EPS8: variants seen among roughly 807,000 people sequenced by gnomAD.
EPS8 encodes EGFR pathway substrate 8, signaling adaptor.
EPS8 carries 42 observed loss-of-function variants against 103.8 expected under a neutral mutation model. The observed-to-expected ratio is 0.40, with a 90% confidence interval of 0.32 to 0.52. The LOEUF is 0.52. Among genes scored for constraint, EPS8 ranks in the 20% least tolerant of loss-of-function variants. The pLI, the probability that EPS8 is intolerant of heterozygous loss-of-function variation, is 0.40. For missense variants in EPS8, 969 were observed against 1,005.1 expected (o/e 0.96, Z 0.49); for synonymous variants, 344 against 344.6 (o/e 1.00, Z 0.02).
In EPS8 at chr12:15,704,157, G is replaced by C. The variant is rs1946352592; in HGVS notation, c.-21-21185C>G. 6.6e-6 allele frequency among the ~76,000 whole-genome samples: 1 copy of C among 151,904 alleles called. No homozygotes were observed. Among genetic ancestry groups the C allele is most frequent in the African/African-American group, 2.4e-5 (1 of 41,336 alleles). ...TCCCTTTAATGGTGTAGTCATTGTG[G>C]AAAACAGTATGGCAGCTCCTCAAAA... On this transcript the variant is annotated intron_variant, in intron 1 of 20. Coordinates refer to ENST00000281172, the MANE Select transcript of EPS8 (RefSeq NM_004447.6). The surrounding 1 kb of genome is among the most constrained non-coding windows in gnomAD (Gnocchi z 4.6).
chr12:15,653,482 G>A (rs544637845), intron 13 of EPS8, among the ~76,000 whole-genome samples: 21 of 152,056 alleles, frequency 1.4e-4, no homozygotes, highest in Non-Finnish European at 2.8e-4. Flanking sequence ...CCATATTCCA[G>A]AGAAACACAT....
intron 20 of EPS8, 137 bp downstream of exon 20, chr12:15,623,021 G>C: frequency 1.3e-6 from 1 of 792,708 alleles, no homozygotes. Context: ...GATGATCTCA[G>C]TGACAAATTT....
At position 15,695,359 on chromosome 12, in the gene EPS8, C is replaced by T. The variant is rs117172524; in HGVS notation, c.-21-12387G>A. On this transcript the variant is annotated intron_variant, in intron 1 of 20. Coordinates refer to ENST00000281172, the MANE Select transcript of EPS8 (RefSeq NM_004447.6). The surrounding 1 kb of genome is among the most constrained non-coding windows in gnomAD (Gnocchi z 5.0). Reference sequence around the variant, plus strand: ...TCGCTCATTTAACAAATAATTACTACGTAACCAGAATGTGCCCATCAGTGC... The same window carrying T: ...TCGCTCATTTAACAAATAATTACTATGTAACCAGAATGTGCCCATCAGTGC... 1.4e-3 allele frequency among the ~76,000 whole-genome samples: 207 copies of T among 152,332 alleles called. 5 individuals carry two copies. In the East Asian group the frequency reaches 0.037, roughly 27 times the overall value.
chr12:15,775,099 A>G (rs1283288144), intron 1 of EPS8, among the ~76,000 whole-genome samples: 1 of 152,124 alleles, frequency 6.6e-6, no homozygotes, highest in Non-Finnish European at 1.5e-5. Context: ...CTAAAGAAGG[A>G]GTCCACATTT....
rs115417231 is a variant in EPS8, at chr12:15,639,671, C to T, written c.1821+1032G>A. 9.6e-3 allele frequency among the ~76,000 whole-genome samples: 1,464 copies of T among 152,146 alleles called. 24 individuals are homozygous for T. Among genetic ancestry groups the T allele is most frequent in the African/African-American group, 0.033 (1,383 of 41,502 alleles). On this transcript the variant is annotated intron_variant, in intron 17 of 20. Transcript: ENST00000281172. ...CTCTGGATAAGCACAGGACTGACAC[C>T]AGGCATGAATGTCATGAGGAGCCAA...
chr12:15,745,220 G>A lies in EPS8; in HGVS notation c.-22+43941C>T, dbSNP rs1344971624. On this transcript the variant is annotated intron_variant, in intron 1 of 20. Transcript: ENST00000281172. This position sits in a 1 kb window ranked among gnomAD's most constrained non-coding sequence, Gnocchi z 4.6. ...AAAACTCTACCTGTTTCAAAGAAAT[G>A]AGTATAAAAGAACACTTTACAACCT... Among the ~76,000 whole-genome samples, 1 of 152,096 alleles carries A rather than the reference G, an allele frequency of 6.6e-6. No individual in the cohort carries two copies. The highest frequency in any genetic ancestry group is 2.4e-5 in the African/African-American group (1 of 41,420).
In EPS8 at chr12:15,706,963, G is replaced by A. The variant is rs1392171320; in HGVS notation, c.-21-23991C>T. Among the ~76,000 whole-genome samples, 1 of 152,086 alleles carries A rather than the reference G, an allele frequency of 6.6e-6. No homozygotes were observed. Among genetic ancestry groups the A allele is most frequent in the African/African-American group, 2.4e-5 (1 of 41,416 alleles). ...AACTTTAGGCTTACTTAGCCTCTAT[G>A]AGCCTAGTTTCTTCATTTGTAAAGT... On this transcript the variant is annotated intron_variant, in intron 1 of 20. Transcript: ENST00000281172. The surrounding 1 kb of genome is among the most constrained non-coding windows in gnomAD (Gnocchi z 5.2).
At chr12:15,670,616 A>T (rs1307816095) in intron 4 of EPS8, among the ~76,000 whole-genome samples, 5 of 152,152 alleles carry the variant, frequency 3.3e-5, no homozygotes, top group African/African-American at 1.2e-4. Context: ...TATAAGTGAA[A>T]TAAGACTGGC....
At chr12:15,667,375 T>C (rs978174652) in intron 6 of EPS8, among the ~76,000 whole-genome samples, 14 of 152,168 alleles carry the variant, frequency 9.2e-5, no homozygotes, top group Non-Finnish European at 2.1e-4. Flanking sequence ...TAAAAGGGCC[T>C]GGCCAAGGTC....
rs1450364948 is a variant in EPS8, at chr12:15,778,769, T to TG, written c.-22+10391dup. On this transcript the variant is annotated intron_variant, in intron 1 of 20. Coordinates refer to ENST00000281172, the MANE Select transcript of EPS8 (RefSeq NM_004447.6). This position sits in a 1 kb window ranked among gnomAD's most constrained non-coding sequence, Gnocchi z 4.5. ...CATAAACAAGCTGTTCATGCCTTTA[T>TG]GGGGGGAATAAAGGTAGTAAATCTA... Among the ~76,000 whole-genome samples the TG allele has an allele frequency of 4.6e-5, 7 of 152,180 alleles. No homozygotes were observed. Among genetic ancestry groups the TG allele is most frequent in the Non-Finnish European group, 7.3e-5 (5 of 68,038 alleles).
At chr12:15,788,157 C>G (rs1231960238) in intron 1 of EPS8, 1 of 152,222 alleles carries the variant, frequency 6.6e-6, no homozygotes, top group Non-Finnish European at 1.5e-5. Context: ...AAAAGTCACA[C>G]TCTTCACACA....
Position 15,621,447 on chromosome 12 carries a change from T to C in EPS8, c.2356-17A>G. The C allele has an allele frequency of 7.0e-7, 1 of 1,423,962 alleles. No homozygotes were observed. Among genetic ancestry groups the C allele is most frequent in the Non-Finnish European group, 9.8e-7 (1 of 1,018,972 alleles). The allele number at this position is 1,423,962 out of a possible 1,614,324, so 88.2% of individuals were successfully genotyped here. A position where few individuals can be genotyped will look rare whatever the true frequency, so the allele number is the denominator to read the frequency against. ...ACTGCTATCCTGAAAGATAAACAGTTCAGACAAGATAGTTACTGACTTGTG... is the reference window on the plus strand; with the variant it reads ...ACTGCTATCCTGAAAGATAAACAGTCCAGACAAGATAGTTACTGACTTGTG... On this transcript the variant is annotated splice_polypyrimidine_tract_variant and intron_variant, in intron 20 of 20. Coordinates refer to ENST00000281172, the MANE Select transcript of EPS8 (RefSeq NM_004447.6).
At chr12:15,685,452 C>T (rs1946079523) in intron 1 of EPS8, among the ~76,000 whole-genome samples, 1 of 152,040 alleles carries the variant, frequency 6.6e-6, no homozygotes, top group South Asian at 2.1e-4. Context: ...ATCTGGTTTG[C>T]GTTTTAAAAC....
chr12:15,730,270 G>A (rs1368456743), intron 1 of EPS8, among the ~76,000 whole-genome samples: 1 of 152,122 alleles, frequency 6.6e-6, no homozygotes, highest in Admixed American at 6.5e-5. Flanking sequence ...TTTTACAACA[G>A]AAGAAATAAA....
At position 15,778,880 on chromosome 12, in the gene EPS8, C is replaced by T. The variant is rs1947232835; in HGVS notation, c.-22+10281G>A. Among the ~76,000 whole-genome samples the T allele has an allele frequency of 6.6e-6, 1 of 152,178 alleles. No individual in the cohort carries two copies. The highest frequency in any genetic ancestry group is 2.4e-5 in the African/African-American group (1 of 41,444). On this transcript the variant is annotated intron_variant, in intron 1 of 20. Coordinates refer to ENST00000281172, the MANE Select transcript of EPS8 (RefSeq NM_004447.6). This position sits in a 1 kb window ranked among gnomAD's most constrained non-coding sequence, Gnocchi z 4.5. ...CATGCCCAGGCAGAAAATAAGTCAT[C>T]AATTTACCAAGTTACTCACAAAATT...
In EPS8 at chr12:15,644,076, C is replaced by T. The variant is rs776315504; in HGVS notation, c.1569-2246G>A. Among the ~76,000 whole-genome samples the T allele has an allele frequency of 4.6e-5, 7 of 152,256 alleles. No individual in the cohort carries two copies. The South Asian group carries it at 8.3e-4, about 18-fold the overall frequency. ...TACTTCCATACTTGAGTCCTGTGGA[C>T]GAATCATAACCTAATTTAGTAGGTA... On this transcript the variant is annotated intron_variant, in intron 15 of 20. Coordinates refer to ENST00000281172, the MANE Select transcript of EPS8 (RefSeq NM_004447.6).
In EPS8 at chr12:15,784,762, C is replaced by T. The variant is rs1042518892; in HGVS notation, c.-22+4399G>A. Among the ~76,000 whole-genome samples, 1 of 152,104 alleles carries T rather than the reference C, an allele frequency of 6.6e-6. No individual in the cohort carries two copies. The highest frequency in any genetic ancestry group is 6.5e-5 in the Admixed American group (1 of 15,280). On this transcript the variant is annotated intron_variant, in intron 1 of 20. Coordinates refer to ENST00000281172, the MANE Select transcript of EPS8 (RefSeq NM_004447.6). This position sits in a 1 kb window ranked among gnomAD's most constrained non-coding sequence, Gnocchi z 4.0. ...AAATATCCTTCAATAGGTGAATAAA[C>T]AAACCATGATATATCTGATAATGAT...
At position 15,714,576 on chromosome 12, in the gene EPS8, A is replaced by G. The variant is rs1946507852; in HGVS notation, c.-21-31604T>C. On this transcript the variant is annotated intron_variant, in intron 1 of 20. Transcript: ENST00000281172. This position sits in a 1 kb window ranked among gnomAD's most constrained non-coding sequence, Gnocchi z 4.1. ...AGAACTGCTTGAGCCCAGGAGTTTGAGCCCAGGAGTGAGCTATGATCACGC... is the reference window on the plus strand; with the variant it reads ...AGAACTGCTTGAGCCCAGGAGTTTGGGCCCAGGAGTGAGCTATGATCACGC... Among the ~76,000 whole-genome samples, 1 of 152,176 alleles carries G rather than the reference A, an allele frequency of 6.6e-6. No individual in the cohort carries two copies. The highest frequency in any genetic ancestry group is 1.5e-5 in the Non-Finnish European group (1 of 68,026).
chr12:15,724,047 C>A (rs1946626562), intron 1 of EPS8, among the ~76,000 whole-genome samples: 1 of 152,098 alleles, frequency 6.6e-6, no homozygotes, highest in Non-Finnish European at 1.5e-5. Flanking sequence ...CAGAAAAATT[C>A]TATGGCTTCT....
Sources: gnomAD v4.1 joint callset for allele counts (sites outside exome capture counted in the v4.1 genomes callset) on GRCh38, gnomAD v4.1.1 for gene constraint, Gnocchi (gnomAD v3.1) non-coding constraint, MANE v1.5 for transcripts, NCBI Gene and HGNC (gene_info 2026-07-23, HGNC 2026-07-21) for gene names.